The following NPM2 variants were observed in gnomAD, a reference collection of about 807,000 sequenced individuals.
NPM2 encodes nucleoplasmin-2.
A neutral mutation model predicts 32.0 loss-of-function variants in NPM2; 25 were observed. That is an observed-to-expected ratio of 0.78 (90% CI 0.57 to 1.09). NPM2 has a LOEUF of 1.09. Among genes scored for constraint, NPM2 ranks in the 50% least tolerant of loss-of-function variants. The probability of loss-of-function intolerance (pLI) is 0.00; values close to 1 mark genes in which losing one functional copy is unlikely to be tolerated. For synonymous variants in NPM2, 111 were observed against 94.2 expected (o/e 1.18, Z -1.04); for missense variants, 282 against 259.9 (o/e 1.08, Z -0.58).
rs1202731449 is a variant in NPM2, at chr8:22,025,311, G to C, written c.58+5G>C. ...CAGTGACGACCGTGCTCTGGGGTGA[G>C]TGGGGACTCAGGCTCCTTCCCAGAG... On this transcript the variant is annotated splice_donor_5th_base_variant and intron_variant, in intron 3 of 9. Transcript: ENST00000518119. 6.2e-6 allele frequency: 10 copies of C among 1,607,412 alleles called. No homozygotes were observed. The highest frequency in any genetic ancestry group is 8.5e-6 in the Non-Finnish European group (10 of 1,177,226).
At chr8:22,034,464 T>C in intron 7 of NPM2, 46 bp from the exon 8 acceptor site, 4 of 1,568,744 alleles carry the variant, frequency 2.5e-6, no homozygotes, top group Non-Finnish European at 3.5e-6. Context: ...GTTCTGGCTC[T>C]GGACTTTGTC....
intron 9 of NPM2, 49 bp downstream of exon 9, chr8:22,036,575 T>G (rs1800630506): frequency 6.4e-7 from 1 of 1,565,340 alleles, no homozygotes; most frequent in Non-Finnish European, 8.7e-7. Context: ...GAGTATTCTC[T>G]GGAGGGGGCT....
chr8:22,033,395 C>G (rs992757557), intron 6 of NPM2, among the ~76,000 whole-genome samples, 172 bp downstream of exon 6: 3 of 152,076 alleles, frequency 2.0e-5, no homozygotes, highest in Non-Finnish European at 2.9e-5. Context: ...GGTCCCTGTT[C>G]TTCTTCTTTA....
chr8:22,034,645 C>T (rs1800560131), intron 8 of NPM2, 101 bp downstream of exon 8: 4 of 984,454 alleles, frequency 4.1e-6, no homozygotes, highest in African/African-American at 1.6e-5. Flanking sequence ...CAAATGTACA[C>T]ACGGTGTGTC....
intron 2 of NPM2, 111 bp downstream of exon 2, chr8:22,024,941 C>T: frequency 2.4e-6 from 1 of 411,502 alleles, no homozygotes; most frequent in Non-Finnish European, 4.3e-6. Flanking sequence ...AGCCAGGTGA[C>T]CTCCCCGCGG....
intron 5 of NPM2, among the ~76,000 whole-genome samples, chr8:22,032,642 G>A (rs971900356): frequency 1.1e-4 from 17 of 152,148 alleles, no homozygotes; most frequent in African/African-American, 3.9e-4. Context: ...TTCTGGTAAG[G>A]GTCCTCTCCC....
At chr8:22,032,967 G>A in intron 5 of NPM2, 163 bp from the exon 6 acceptor site, 1 of 605,984 alleles carries the variant, frequency 1.7e-6, no homozygotes, top group East Asian at 2.8e-5. Context: ...TAGCAAGAAT[G>A]GGATTACCAG....
At chr8:22,025,927 C>G (rs1415297763) in intron 5 of NPM2, among the ~76,000 whole-genome samples, 155 bp downstream of exon 5, 1 of 152,136 alleles carries the variant, frequency 6.6e-6, no homozygotes, top group Admixed American at 6.5e-5. Flanking sequence ...CAGCCCAGCT[C>G]ACCCCTTCCT....
Position 22,024,383 on chromosome 8 carries a change from G to A in NPM2, c.-381G>A. ...TTCCAACTGCAGCTTCCTGCCGGCT[G>A]CAGGCCTCCCTTCCTAAGCTGAGCT... On this transcript the variant is annotated 5_prime_UTR_variant, in exon 1 of 10. Transcript: ENST00000518119. 1 of 152,650 alleles carries A rather than the reference G, an allele frequency of 6.6e-6. No individual in the cohort carries two copies. The allele number at this position is 152,650 out of a possible 1,614,324, so 9.5% of individuals were successfully genotyped here.
chr8:22,031,960 C>T lies in NPM2; in HGVS notation c.271-1170C>T, dbSNP rs559810155. On this transcript the variant is annotated intron_variant, in intron 5 of 9. Transcript: ENST00000518119. ...ATGCAGTAGAAACACTGAATTACAT[C>T]CTCTCTGGCATTTCTAAGTGTCTCT... Among the ~76,000 whole-genome samples the T allele has an allele frequency of 4.6e-5, 7 of 152,312 alleles. No homozygotes were observed. In the South Asian group the frequency reaches 1.4e-3, roughly 32 times the overall value.
In NPM2 at chr8:22,030,799, C is replaced by T. The variant is rs376520026; in HGVS notation, c.271-2331C>T. Among the ~76,000 whole-genome samples the T allele has an allele frequency of 2.5e-3, 387 of 152,052 alleles. 2 individuals are homozygous for T. Among genetic ancestry groups the T allele is most frequent in the South Asian group, 0.019 (92 of 4,812 alleles). The stretch of plus-strand genomic sequence containing the variant: ...AGTTCAAGCGATCTTCCGGCCTCAG[C>T]CCCCCCGAGTAGCCTGGGCTACAGG... On this transcript the variant is annotated intron_variant, in intron 5 of 9. Transcript: ENST00000518119.
Position 22,025,772 on chromosome 8 carries a change from G to T in NPM2, c.270G>T (p.Met90Ile). ...IASLQASVLP[M>I]VSMVGVQLSP... ...CACTCCAGGCCTCAGTCCTCCCCAT[G>T]GTGCGCATTTCCCTGCTGGCTGGAA... Residue 90 changes from methionine to isoleucine, a missense_variant and splice_region_variant, in exon 5 of 10, where the codon ATG becomes ATT. Met to Ile is a conservative substitution (Grantham distance 10). Transcript: ENST00000518119. 6.2e-7 allele frequency: 1 copy of T among 1,614,006 alleles called. No individual in the cohort carries two copies. The highest frequency in any genetic ancestry group is 8.5e-7 in the Non-Finnish European group (1 of 1,180,002).
intron 6 of NPM2, among the ~76,000 whole-genome samples, chr8:22,033,577 G>C (rs1211946796): frequency 6.6e-6 from 1 of 152,176 alleles, no homozygotes; most frequent in Non-Finnish European, 1.5e-5. Flanking sequence ...GCAGACCATA[G>C]CAACGCAGAC....
Position 22,034,269 on chromosome 8 carries a change from G to A in NPM2, c.525G>A (p.Val175=). The A allele has an allele frequency of 1.3e-6, 2 of 1,589,574 alleles. No homozygotes were observed. The highest frequency in any genetic ancestry group is 1.2e-5 in the South Asian group (1 of 85,886). The part of the protein sequence containing the change: ...KRLVPQKQAS[V]AKKKKLEKEE... ...TGGTGCCCCAGAAGCAGGCGAGCGT[G>A]GCTAAGGTGGGGGAAGGAGCGTGGC... is the stretch of plus-strand genomic sequence containing the variant. The change falls in exon 7 of 10, where the codon GTG becomes GTA. Residue 175 remains valine (V), a synonymous_variant. Transcript: ENST00000518119.
intron 3 of NPM2, 38 bp downstream of exon 3, chr8:22,025,344 C>A: frequency 6.2e-7 from 1 of 1,600,840 alleles, no homozygotes; most frequent in Admixed American, 1.7e-5. Flanking sequence ...GAGACACGCC[C>A]CACCTCCGGT....
At chr8:22,032,722 G>C (rs1453580768) in intron 5 of NPM2, among the ~76,000 whole-genome samples, 1 of 152,084 alleles carries the variant, frequency 6.6e-6, no homozygotes, top group Admixed American at 6.5e-5. Context: ...GAAAGAGAGT[G>C]AGTTCTCTAG....
At chr8:22,030,099 T>C (rs925999709) in intron 5 of NPM2, among the ~76,000 whole-genome samples, 1 of 152,168 alleles carries the variant, frequency 6.6e-6, no homozygotes, top group Admixed American at 6.5e-5. Flanking sequence ...TCTCACTCTG[T>C]CCCCCGTGTT....
intron 5 of NPM2, among the ~76,000 whole-genome samples, chr8:22,027,241 G>T (rs530704219): frequency 1.3e-5 from 2 of 152,112 alleles, no homozygotes; most frequent in Admixed American, 6.5e-5. Flanking sequence ...CTATTCCCTG[G>T]AACAGTGAAT....
rs1800641059 is a variant in NPM2, at chr8:22,036,806, C to T, written c.*124C>T. 1.1e-6 allele frequency: 1 copy of T among 939,782 alleles called. No homozygotes were observed. The highest frequency in any genetic ancestry group is 2.9e-5 in the East Asian group (1 of 34,964). The allele number at this position is 939,782 out of a possible 1,614,324, so 58.2% of individuals were successfully genotyped here. On this transcript the variant is annotated 3_prime_UTR_variant, in exon 10 of 10. Transcript: ENST00000518119. ...TGCAACAGGGGTGTTGCGGGGGCAACATGAGAGCCCCTCACCCCCAACTCT... is the reference window on the plus strand; with the variant it reads ...TGCAACAGGGGTGTTGCGGGGGCAATATGAGAGCCCCTCACCCCCAACTCT...
Sources: allele counts gnomAD v4.1 joint callset (sites outside exome capture counted in the v4.1 genomes callset), GRCh38; gene constraint gnomAD v4.1.1; transcripts MANE v1.5; gene names NCBI Gene and HGNC (gene_info 2026-07-23, HGNC 2026-07-21).